Variants in MCC observed in about 807,000 individuals in gnomAD.
MCC encodes colorectal mutant cancer protein.
A neutral mutation model predicts 116.2 loss-of-function variants in MCC; 90 were observed. The ratio of observed to expected loss-of-function variants is 0.77; its 90% CI spans 0.65 to 0.92. The LOEUF is 0.92. MCC is among the 40% of genes least tolerant of loss of function. The pLI is 0.00. For synonymous variants in MCC, 578 were observed against 510.5 expected, an observed-to-expected ratio of 1.13 and a Z score of -1.78; for missense variants, 1,516 against 1,312.2, an observed-to-expected ratio of 1.16 and a Z score of -2.40.
chr5:113,258,125 G>C (rs1007136936), intron 3 of MCC, among the ~76,000 whole-genome samples: 2 of 152,156 alleles, frequency 1.3e-5, no homozygotes, highest in Non-Finnish European at 2.9e-5. Context: ...TTTTCAGTGA[G>C]CACATTGCAA....
intron 3 of MCC, among the ~76,000 whole-genome samples, chr5:113,198,455 G>C (rs539289962): frequency 6.6e-6 from 1 of 152,102 alleles, no homozygotes; most frequent in South Asian, 2.1e-4. Context: ...AGCACTTTGG[G>C]AGGTTGAGGC....
At chr5:113,210,264 A>C (rs565134560) in intron 3 of MCC, among the ~76,000 whole-genome samples, 1 of 152,318 alleles carries the variant, frequency 6.6e-6, no homozygotes, top group East Asian at 1.9e-4. Context: ...ATACCTTCCC[A>C]TAATTTGTCC....
At chr5:113,464,706 A>AG (rs1771847438) in intron 1 of MCC, among the ~76,000 whole-genome samples, 1 of 152,184 alleles carries the variant, frequency 6.6e-6, no homozygotes, top group Admixed American at 6.5e-5. Flanking sequence ...AAGAGTCACT[A>AG]GTACATAGTA....
intron 3 of MCC, among the ~76,000 whole-genome samples, chr5:113,152,384 C>G (rs1759935981): frequency 6.6e-6 from 1 of 152,200 alleles, no homozygotes; most frequent in Non-Finnish European, 1.5e-5. Context: ...AACCTTGAAA[C>G]TTTCCATTCC....
intron 3 of MCC, among the ~76,000 whole-genome samples, chr5:113,167,865 A>G (rs1760860915): frequency 6.6e-6 from 1 of 152,150 alleles, no homozygotes; most frequent in African/African-American, 2.4e-5. Context: ...CCTAGGCTTA[A>G]GCAATCCTCC....
chr5:113,154,770 A>G (rs1047578203), intron 3 of MCC, among the ~76,000 whole-genome samples: 4 of 152,224 alleles, frequency 2.6e-5, no homozygotes, highest in African/African-American at 7.2e-5. Flanking sequence ...TTACTGAAAT[A>G]TAATATTTAT....
At chr5:113,257,165 T>A (rs543187182) in intron 3 of MCC, among the ~76,000 whole-genome samples, 1 of 152,166 alleles carries the variant, frequency 6.6e-6, no homozygotes, top group Non-Finnish European at 1.5e-5. Flanking sequence ...GCTAAGCGTG[T>A]TCATTTTTAA....
chr5:113,102,866 C>T (rs997091108), intron 7 of MCC, among the ~76,000 whole-genome samples: 6 of 151,952 alleles, frequency 3.9e-5, no homozygotes, highest in African/African-American at 1.5e-4. Flanking sequence ...CCTGTAATCC[C>T]AGCACTTGGG....
chr5:113,118,430 G>C (rs1011756604), intron 6 of MCC, among the ~76,000 whole-genome samples: 3 of 152,208 alleles, frequency 2.0e-5, no homozygotes, highest in African/African-American at 7.2e-5. Flanking sequence ...GTAAGTCAAA[G>C]CACTTTTTAA....
intron 1 of MCC, among the ~76,000 whole-genome samples, chr5:113,406,467 C>A (rs374555520): frequency 3.2e-4 from 48 of 152,230 alleles, no homozygotes; most frequent in African/African-American, 1.1e-3. Context: ...AACTCCTGCC[C>A]GTATAAACGT....
At chr5:113,438,416 A>C (rs1561572981) in intron 1 of MCC, among the ~76,000 whole-genome samples, 1 of 152,192 alleles carries the variant, frequency 6.6e-6, no homozygotes, top group African/African-American at 2.4e-5. Flanking sequence ...TCGGAAAGTA[A>C]CTTGATCTGT....
At chr5:113,050,425 G>T (rs951523212) in intron 15 of MCC, among the ~76,000 whole-genome samples, 1 of 152,094 alleles carries the variant, frequency 6.6e-6, no homozygotes. Flanking sequence ...TAAACCACAG[G>T]CCTGGTGCAC....
At chr5:113,149,387 A>C (rs113582936) in intron 4 of MCC, among the ~76,000 whole-genome samples, 1 of 152,066 alleles carries the variant, frequency 6.6e-6, no homozygotes. Context: ...TAACATTTTC[A>C]TCTAAGTAAA....
At chr5:113,435,820 C>T (rs905904557) in intron 1 of MCC, 3 of 152,988 alleles carry the variant, frequency 2.0e-5, no homozygotes, top group African/African-American at 7.2e-5. Flanking sequence ...GCTCCCAGGG[C>T]ATATCTGGGG....
At chr5:113,235,468 G>T (rs1003323054) in intron 3 of MCC, among the ~76,000 whole-genome samples, 1 of 152,202 alleles carries the variant, frequency 6.6e-6, no homozygotes, top group Non-Finnish European at 1.5e-5. Context: ...ATAATCCTCA[G>T]AGGAAAACAT....
chr5:113,245,905 GA>G (rs1259849243), intron 3 of MCC, among the ~76,000 whole-genome samples: 1 of 152,208 alleles, frequency 6.6e-6, no homozygotes, highest in Admixed American at 6.5e-5. Flanking sequence ...AATGGGATCA[GA>G]AAGTGTATGG....
intron 2 of MCC, among the ~76,000 whole-genome samples, chr5:113,361,258 TA>T (rs11339634): frequency 0.44 from 66,064 of 149,690 alleles, 15,915 homozygotes; most frequent in African/African-American, 0.63. Context: ...CATAAATCTT[TA>T]AAAAAAAAAC....
intron 8 of MCC, 120 bp downstream of exon 8, chr5:113,101,619 C>A: frequency 1.0e-6 from 1 of 965,870 alleles, no homozygotes; most frequent in Non-Finnish European, 1.6e-6. Context: ...AGGAAAGAGA[C>A]AGTGATTCCC....
At chr5:113,332,469 G>A (rs1767722299) in intron 3 of MCC, among the ~76,000 whole-genome samples, 1 of 150,986 alleles carries the variant, frequency 6.6e-6, no homozygotes. Context: ...CAGCACTTTG[G>A]GAGTCTGAGG....
Sources: allele counts gnomAD v4.1 joint callset (sites outside exome capture counted in the v4.1 genomes callset), GRCh38; gene constraint gnomAD v4.1.1; transcripts MANE v1.5; gene names NCBI Gene and HGNC (gene_info 2026-07-23, HGNC 2026-07-21).